Variants in PGM3 observed in about 807,000 individuals in gnomAD.
PGM3 encodes the protein phosphoacetylglucosamine mutase.
In PGM3, 40 loss-of-function variants were observed where a neutral mutation model predicts 66.2. The observed-to-expected ratio is 0.60, with a 90% CI of 0.47 to 0.79. The LOEUF is 0.79. Among genes scored for constraint, PGM3 ranks in the 30% least tolerant of loss-of-function variants. PGM3 has a pLI of 0.00. For missense variants in PGM3, 537 were observed against 643.4 expected (o/e 0.83, Z 1.79); for synonymous variants, 191 against 224.2 (o/e 0.85, Z 1.32).
rs1220882320 is a variant in PGM3 at position 83,168,147 on chromosome 6, G to T, written c.*1087C>A. The T allele has an allele frequency of 6.2e-7, 1 of 1,612,392 alleles. No individual in the cohort carries two copies. The highest frequency in any genetic ancestry group is 1.7e-5 in the Admixed American group (1 of 59,646). On this transcript the variant is annotated 3_prime_UTR_variant, in exon 13 of 13. Transcript: ENST00000513973. The stretch of plus-strand genomic sequence containing the variant: ...AGAGATGGTAGAAAAAGATTTTCTG[G>T]AAGGGATGATAAAAACTTGAGCACC...
intron 11 of PGM3, chr6:83,171,419 T>A (rs1318627627): frequency 6.6e-6 from 1 of 152,254 alleles, no homozygotes; most frequent in Non-Finnish European, 1.5e-5. Context: ...GACAATAGAA[T>A]GTTAAGTAAA....
chr6:83,160,987 A>C (rs530045842), downstream of PGM3, among the ~76,000 whole-genome samples: 5 of 152,036 alleles, frequency 3.3e-5, no homozygotes, highest in African/African-American at 1.2e-4. Context: ...ATATATATAT[A>C]TATCTACTTT....
rs1789302588 is a variant in PGM3, at chr6:83,193,191, G to GC, written c.-16dup. 6.6e-6 allele frequency: 1 copy of GC among 152,320 alleles called. No homozygotes were observed. The highest frequency in any genetic ancestry group is 2.4e-5 in the African/African-American group (1 of 41,422). The allele number at this position is 152,320 out of a possible 1,614,324, so 9.4% of individuals were successfully genotyped here. On this transcript the variant is annotated 5_prime_UTR_variant, in exon 1 of 13. Coordinates refer to ENST00000513973, the MANE Select transcript of PGM3 (RefSeq NM_015599.3). ...GGGCCCGGCTTACCTCGGTCAGGAA[G>GC]CCCCCTTCACCTACACGCAGCGGAG...
chr6:83,151,984 C>G, the PGM3 span: 1 of 1,613,896 alleles, frequency 6.2e-7, no homozygotes. Flanking sequence ...AGCCTTCTCC[C>G]AAAATAATGG....
In PGM3 at chr6:83,168,439, C is replaced by T; in HGVS notation, c.*795G>A. The T allele has an allele frequency of 9.0e-7, 1 of 1,113,978 alleles. No individual in the cohort carries two copies. The highest frequency in any genetic ancestry group is 1.1e-6 in the Non-Finnish European group (1 of 912,654). The allele number at this position is 1,113,978 out of a possible 1,614,324, so 69.0% of individuals were successfully genotyped here. On this transcript the variant is annotated 3_prime_UTR_variant, in exon 13 of 13. Transcript: ENST00000513973. Reference sequence around the variant, plus strand: ...TTTTATTGTCCTGAGTTGTCTTAAACCTGCAAAATATACACTACCCATTTT... The same window carrying T: ...TTTTATTGTCCTGAGTTGTCTTAAATCTGCAAAATATACACTACCCATTTT...
At position 83,168,253 on chromosome 6, in the gene PGM3, T is replaced by C. The variant is rs1562403096; in HGVS notation, c.*981A>G. On this transcript the variant is annotated 3_prime_UTR_variant, in exon 13 of 13. Coordinates refer to ENST00000513973, the MANE Select transcript of PGM3 (RefSeq NM_015599.3). ...GCTCTGCGTTGTATAGTTTTTCCTT[T>C]TTTGTATGTAACAGAACACATTTCA... 2 of 1,472,892 alleles carry C rather than the reference T, an allele frequency of 1.4e-6. No homozygotes were observed. The highest frequency in any genetic ancestry group is 1.5e-5 in the South Asian group (1 of 68,778). 91.2% of individuals were successfully genotyped at this position (1,472,892 alleles called of 1,614,324 possible).
chr6:83,167,275 A>G lies in PGM3; in HGVS notation c.*1959T>C. 2.0e-6 allele frequency: 2 copies of G among 984,708 alleles called. No homozygotes were observed. The highest frequency in any genetic ancestry group is 1.7e-5 in the African/African-American group (1 of 57,330). 61.0% of individuals were successfully genotyped at this position (984,708 alleles called of 1,614,324 possible). A position where few individuals can be genotyped will look rare whatever the true frequency, so the allele number is the denominator to read the frequency against. On this transcript the variant is annotated 3_prime_UTR_variant, in exon 13 of 13. Transcript: ENST00000513973. Reference sequence around the variant, plus strand: ...GACTCCAGGTCCAGCTTTCCTCCCTATGTTGTTTAGCACAACCCAGAAGGA... The same window carrying G: ...GACTCCAGGTCCAGCTTTCCTCCCTGTGTTGTTTAGCACAACCCAGAAGGA...
the PGM3 span, chr6:83,153,474 C>T: frequency 1.4e-5 from 20 of 1,392,384 alleles, no homozygotes; most frequent in African/African-American, 2.2e-4. Context: ...GTCAGTTTCA[C>T]CTCATATGTT....
In PGM3 at chr6:83,191,982, A is replaced by C. The variant is rs1237801277; in HGVS notation, c.-2-968T>G. Among the ~76,000 whole-genome samples, 5 of 140,782 alleles carry C rather than the reference A, an allele frequency of 3.6e-5. No individual in the cohort carries two copies. The East Asian group carries it at 8.3e-4, about 23-fold the overall frequency. 92.4% of individuals were successfully genotyped at this position (140,782 alleles called of 152,430 possible). ...TCAAAAAAAAAAAAAAAAAAAAAAA[A>C]CAGGCCAGGTGAGGTGGCTCAGGCC... is the stretch of plus-strand genomic sequence containing the variant. On this transcript the variant is annotated intron_variant, in intron 1 of 12. Coordinates refer to ENST00000513973, the MANE Select transcript of PGM3 (RefSeq NM_015599.3).
At chr6:83,153,481 T>C in the PGM3 span, 9 of 1,473,788 alleles carry the variant, frequency 6.1e-6, no homozygotes, top group Non-Finnish European at 8.4e-6. Flanking sequence ...TCACCTCATA[T>C]GTTACTCTTC....
At chr6:83,155,892 C>A in the PGM3 span, 7 of 1,559,118 alleles carry the variant, frequency 4.5e-6, no homozygotes, top group Middle Eastern at 1.7e-4. Flanking sequence ...TTTTAAAAAA[C>A]AACAGAATAA....
At chr6:83,156,535 G>A (rs752999912), downstream of PGM3, among the ~76,000 whole-genome samples, 9 of 152,192 alleles carry the variant, frequency 5.9e-5, no homozygotes, top group East Asian at 1.9e-4. Flanking sequence ...TAACATTTTC[G>A]GTAACTTCAT....
At position 83,168,862 on chromosome 6, in the gene PGM3, ACAT is replaced by A; in HGVS notation, c.*369_*371del. 4 of 1,044,534 alleles carry A rather than the reference ACAT, an allele frequency of 3.8e-6. No individual in the cohort carries two copies. The South Asian group carries it at 1.1e-4, about 28-fold the overall frequency. The allele number at this position is 1,044,534 out of a possible 1,614,324, so 64.7% of individuals were successfully genotyped here. A position where few individuals can be genotyped will look rare whatever the true frequency, so the allele number is the denominator to read the frequency against. ...TATCAGCAATGGGGAATGCTGCAAA[ACAT>A]CATCTTGCTCATGTGATGGTGATGG... On this transcript the variant is annotated 3_prime_UTR_variant, in exon 13 of 13. Coordinates refer to ENST00000513973, the MANE Select transcript of PGM3 (RefSeq NM_015599.3).
chr6:83,156,675 C>A (rs1163291922), downstream of PGM3, among the ~76,000 whole-genome samples: 2 of 152,214 alleles, frequency 1.3e-5, no homozygotes, highest in East Asian at 3.8e-4. Context: ...TCAGCATACT[C>A]TAAAGCCTCC....
At position 83,179,944 on chromosome 6, in the gene PGM3, T is replaced by C; in HGVS notation, c.811A>G (p.Arg271Gly). The C allele has an allele frequency of 6.2e-7, 1 of 1,611,046 alleles. No homozygotes were observed. The highest frequency in any genetic ancestry group is 8.5e-7 in the Non-Finnish European group (1 of 1,178,278). Reference protein sequence around the residue: ...PQGMEIKSNERCCSFDGDADR... With the variant: ...PQGMEIKSNEGCCSFDGDADR... ...GCATCTCCATCAAAAGAACAGCATCTTTCATTGGACTTAATTTCCATTCCT... is the reference window on the plus strand; with the variant it reads ...GCATCTCCATCAAAAGAACAGCATCCTTCATTGGACTTAATTTCCATTCCT... The change falls in exon 7 of 13, where the codon AGA becomes GGA. Residue 271 changes from arginine to glycine, a missense_variant. Physicochemically the swap from Arg to Gly is moderately radical, Grantham distance 125. Transcript: ENST00000513973.
intron 2 of PGM3, chr6:83,190,393 A>G (rs1788955818): frequency 5.8e-6 from 1 of 172,540 alleles, no homozygotes; most frequent in African/African-American, 2.4e-5. Context: ...CATTCAGAAC[A>G]AGAAATTATT....
At chr6:83,185,124 TAC>T (rs1788475643) in intron 4 of PGM3, among the ~76,000 whole-genome samples, 1 of 152,126 alleles carries the variant, frequency 6.6e-6, no homozygotes, top group Non-Finnish European at 1.5e-5. Flanking sequence ...ACAGAAAGAA[TAC>T]AGTTTGGGGC....
intron 10 of PGM3, among the ~76,000 whole-genome samples, chr6:83,172,495 C>T (rs933139985): frequency 3.3e-5 from 5 of 152,138 alleles, no homozygotes; most frequent in East Asian, 1.9e-4. Flanking sequence ...GCCATCTATA[C>T]TAAAAATACA....
chr6:83,168,322 G>C lies in PGM3; in HGVS notation c.*912C>G. 1 of 1,421,370 alleles carries C rather than the reference G, an allele frequency of 7.0e-7. No individual in the cohort carries two copies. Among genetic ancestry groups the C allele is most frequent in the East Asian group, 2.5e-5 (1 of 39,304 alleles). The allele number at this position is 1,421,370 out of a possible 1,614,324, so 88.0% of individuals were successfully genotyped here. ...TATTTGTATATAAGAGCAAATGTCT[G>C]AATGTGGCCTGAATCAAGTTTAAAT... On this transcript the variant is annotated 3_prime_UTR_variant, in exon 13 of 13. Transcript: ENST00000513973.
Sources: gnomAD v4.1 joint callset for allele counts (sites outside exome capture counted in the v4.1 genomes callset) on GRCh38, gnomAD v4.1.1 for gene constraint, MANE v1.5 for transcripts, NCBI Gene and HGNC (gene_info 2026-07-23, HGNC 2026-07-21) for gene names.